DEUP1: variants seen among roughly 807,000 people sequenced by gnomAD.
The protein encoded by DEUP1 is deuterosome assembly protein 1, also known as coiled-coil domain containing 67.
In DEUP1, 82 loss-of-function variants were observed where a neutral mutation model predicts 87.4. The observed-to-expected ratio is 0.94, with a 90% CI of 0.78 to 1.13. The LOEUF is 1.13. Ranked by LOEUF, DEUP1 falls within the 50% of genes most tolerant of loss-of-function variation. DEUP1 has a pLI of 0.00. For synonymous variants in DEUP1, 214 were observed against 222.7 expected, an observed-to-expected ratio of 0.96 and a Z score of 0.35; for missense variants, 663 against 681.5, an observed-to-expected ratio of 0.97 and a Z score of 0.30.
intron 4 of DEUP1, among the ~76,000 whole-genome samples, chr11:93,359,818 A>T (rs1377006055): frequency 6.6e-6 from 1 of 152,218 alleles, no homozygotes; most frequent in African/African-American, 2.4e-5. Flanking sequence ...GCTTAGTGGA[A>T]AAACCTAGAT....
chr11:93,369,023 A>G (rs764866101), intron 5 of DEUP1, among the ~76,000 whole-genome samples: 4 of 152,098 alleles, frequency 2.6e-5, no homozygotes, highest in African/African-American at 2.4e-5. Flanking sequence ...TCACAATTCA[A>G]TGTGAGATTT....
In DEUP1 at chr11:93,385,457, G is replaced by T; in HGVS notation, c.849G>T (p.Leu283Phe). Residue 283 changes from leucine to phenylalanine, a missense_variant, in exon 8 of 14, where the codon TTG (leucine) becomes TTT (phenylalanine). By Grantham distance (22) the Leu-to-Phe change is conservative. Coordinates refer to ENST00000298050, the MANE Select transcript of DEUP1 (RefSeq NM_181645.4). Reference protein sequence around the residue: ...KSELQSRDDLLRIIEMERLQL... With the variant: ...KSELQSRDDLFRIIEMERLQL... ...AGTTACAGTCACGTGATGATCTCTT[G>T]AGAATTATAGAAATGGAACGATTGC... 1 of 1,612,542 alleles carries T rather than the reference G, an allele frequency of 6.2e-7. No individual in the cohort carries two copies. The highest frequency in any genetic ancestry group is 8.5e-7 in the Non-Finnish European group (1 of 1,179,050).
intron 13 of DEUP1, among the ~76,000 whole-genome samples, chr11:93,429,134 T>C (rs1948027589): frequency 6.6e-6 from 1 of 152,224 alleles, no homozygotes; most frequent in Non-Finnish European, 1.5e-5. Context: ...TTGTTGCTTA[T>C]ATGTTGGTTT....
chr11:93,396,118 A>G (rs1259549466), intron 10 of DEUP1, 121 bp from the exon 11 acceptor site: 2 of 674,674 alleles, frequency 3.0e-6, no homozygotes, highest in Non-Finnish European at 5.2e-6. Context: ...TATTGGTCGT[A>G]CCGAAGAAGT....
intron 12 of DEUP1, among the ~76,000 whole-genome samples, chr11:93,413,733 T>G (rs1281069560): frequency 6.6e-6 from 1 of 152,244 alleles, no homozygotes; most frequent in East Asian, 1.9e-4. Context: ...CAGTCTCATT[T>G]TCTAACCTAT....
At chr11:93,429,656 T>C (rs1280802075) in intron 13 of DEUP1, among the ~76,000 whole-genome samples, 4 of 152,184 alleles carry the variant, frequency 2.6e-5, no homozygotes, top group Non-Finnish European at 5.9e-5. Context: ...TCCTTTAGAA[T>C]GTATGCTCCA....
chr11:93,385,084 T>C (rs1946475600), intron 7 of DEUP1, among the ~76,000 whole-genome samples: 1 of 152,084 alleles, frequency 6.6e-6, no homozygotes. Flanking sequence ...TAGCTGGGCA[T>C]GGTGGCACGA....
intron 13 of DEUP1, among the ~76,000 whole-genome samples, chr11:93,431,939 A>G (rs755450572): frequency 1.1e-4 from 17 of 152,244 alleles, no homozygotes; most frequent in Non-Finnish European, 2.1e-4. Context: ...GGTTGGGCAT[A>G]TAAGTTTAAA....
chr11:93,358,389 T>C (rs1360083446), intron 4 of DEUP1, among the ~76,000 whole-genome samples: 1 of 152,194 alleles, frequency 6.6e-6, no homozygotes, highest in Admixed American at 6.5e-5. Flanking sequence ...AAATTTGTTC[T>C]GTGGAAAACA....
At chr11:93,403,598 G>C (rs1339115127) in intron 11 of DEUP1, among the ~76,000 whole-genome samples, 1 of 151,618 alleles carries the variant, frequency 6.6e-6, no homozygotes, top group Non-Finnish European at 1.5e-5. Flanking sequence ...TGACTCACAA[G>C]TGATTTATTT....
At chr11:93,374,703 GGTAATTTGATGCCTCCA>G (rs1311431710) in intron 7 of DEUP1, among the ~76,000 whole-genome samples, 4 of 151,942 alleles carry the variant, frequency 2.6e-5, no homozygotes, top group African/African-American at 9.7e-5. Flanking sequence ...TAGGGTATTT[GGTAATTTGATGCCTCCA>G]GATTTGTTCT....
intron 12 of DEUP1, 25 bp downstream of exon 12, chr11:93,408,452 G>T: frequency 7.4e-7 from 1 of 1,351,790 alleles, no homozygotes; most frequent in Non-Finnish European, 1.0e-6. Flanking sequence ...TTATATAAGG[G>T]CATAAGTTTA....
intron 11 of DEUP1, among the ~76,000 whole-genome samples, chr11:93,406,968 G>A (rs996579601): frequency 5.3e-5 from 8 of 151,938 alleles, no homozygotes; most frequent in Non-Finnish European, 1.0e-4. Context: ...CAAATTTAAC[G>A]AAATGGTAAT....
intron 12 of DEUP1, among the ~76,000 whole-genome samples, chr11:93,412,910 TA>T (rs558821098): frequency 1.9e-3 from 280 of 148,660 alleles, no homozygotes; most frequent in Middle Eastern, 0.01. Context: ...GGAGAATGAG[TA>T]AAAAAAAAAG....
At chr11:93,347,187 G>A (rs1190407358) in intron 2 of DEUP1, among the ~76,000 whole-genome samples, 1 of 151,976 alleles carries the variant, frequency 6.6e-6, no homozygotes. Flanking sequence ...TTATTTTGAT[G>A]TATGTTTCCT....
At chr11:93,396,838 G>C (rs1160346439) in intron 11 of DEUP1, among the ~76,000 whole-genome samples, 2 of 152,042 alleles carry the variant, frequency 1.3e-5, no homozygotes, top group East Asian at 3.9e-4. Context: ...AATGAGTGTT[G>C]GTTGATTTAA....
At chr11:93,334,595 T>TG (rs35278524) in intron 2 of DEUP1, among the ~76,000 whole-genome samples, 43,795 of 151,854 alleles carry the variant, frequency 0.29, 6,798 homozygotes, top group Non-Finnish European at 0.36. Context: ...AGATTATATC[T>TG]GGGGAAAAGA....
chr11:93,428,029 C>A (rs372514298), intron 13 of DEUP1, among the ~76,000 whole-genome samples: 1 of 151,878 alleles, frequency 6.6e-6, no homozygotes, highest in African/African-American at 2.4e-5. Context: ...GTTGGTGGGA[C>A]TGTAAACTAG....
At chr11:93,379,288 G>C (rs1168198513) in intron 7 of DEUP1, among the ~76,000 whole-genome samples, 1 of 152,066 alleles carries the variant, frequency 6.6e-6, no homozygotes, top group Admixed American at 6.6e-5. Context: ...CTCTTTCTTG[G>C]CAGTATGACT....
Sources: gnomAD v4.1 joint callset for allele counts (sites outside exome capture counted in the v4.1 genomes callset) on GRCh38, gnomAD v4.1.1 for gene constraint, MANE v1.5 for transcripts, NCBI Gene and HGNC (gene_info 2026-07-23, HGNC 2026-07-21) for gene names.